PCDH7: variants seen among roughly 807,000 people sequenced by gnomAD.
The protein encoded by PCDH7 is protocadherin-7.
PCDH7 carries 17 observed loss-of-function variants against 58.9 expected under a neutral mutation model. The ratio of observed to expected loss-of-function variants is 0.29; its 90% CI spans 0.20 to 0.43. The LOEUF is 0.43. Among genes scored for constraint, PCDH7 ranks in the 20% least tolerant of loss-of-function variants. PCDH7 has a pLI of 1.00. For missense variants in PCDH7, 1,274 were observed against 1,441.0 expected (o/e 0.88, Z 1.88); for synonymous variants, 664 against 616.4 (o/e 1.08, Z -1.14).
At chr4:30,968,498 C>T (rs948297722) in intron 3 of PCDH7, among the ~76,000 whole-genome samples, 1 of 148,518 alleles carries the variant, frequency 6.7e-6, no homozygotes, top group Non-Finnish European at 1.5e-5. Context: ...GAGCAGAGCA[C>T]ATGATCAGAA....
chr4:30,922,732 C>A (rs1399885160), intron 2 of PCDH7, among the ~76,000 whole-genome samples: 3 of 152,098 alleles, frequency 2.0e-5, no homozygotes, highest in African/African-American at 4.8e-5. Context: ...ATGTGACCAA[C>A]ACTTGAAAGT....
chr4:31,073,956 C>T (rs181591000), intron 3 of PCDH7, among the ~76,000 whole-genome samples: 11 of 151,884 alleles, frequency 7.2e-5, no homozygotes, highest in Admixed American at 2.0e-4. Flanking sequence ...TTGTATATTC[C>T]GGCCAAACTG....
rs531621775 is a variant in PCDH7, at chr4:30,819,951, AG to A, written c.70+95358del. 3.2e-3 allele frequency among the ~76,000 whole-genome samples: 490 copies of A among 152,262 alleles called. 3 individuals carry two copies. Among genetic ancestry groups the A allele is most frequent in the African/African-American group, 0.011 (464 of 41,558 alleles). The stretch of plus-strand genomic sequence containing the variant: ...GATAGGAAACATGTCCTGCCTTGTA[AG>A]GGTGCTCTAAATATGTTAATAGAGT... On this transcript the variant is annotated intron_variant, in intron 1 of 3. Coordinates refer to the PCDH7 transcript ENST00000509759.
intron 3 of PCDH7, among the ~76,000 whole-genome samples, chr4:30,973,374 T>C (rs1478189452): frequency 6.6e-6 from 1 of 152,138 alleles, no homozygotes; most frequent in African/African-American, 2.4e-5. Flanking sequence ...ACATAGATGT[T>C]TTAGAATCAA....
At chr4:30,905,443 T>C (rs1740793303) in intron 1 of PCDH7, among the ~76,000 whole-genome samples, 1 of 147,306 alleles carries the variant, frequency 6.8e-6, no homozygotes, top group African/African-American at 2.6e-5. Flanking sequence ...GAGCTTTTGA[T>C]GATTATCACA....
intron 3 of PCDH7, among the ~76,000 whole-genome samples, chr4:31,118,619 G>T (rs1269486260): frequency 1.3e-5 from 2 of 152,128 alleles, no homozygotes; most frequent in Non-Finnish European, 1.5e-5. Flanking sequence ...TTTGGGGATA[G>T]TCTGACCTCA....
chr4:31,022,167 T>C (rs1470970936), intron 3 of PCDH7, among the ~76,000 whole-genome samples: 1 of 152,144 alleles, frequency 6.6e-6, no homozygotes, highest in East Asian at 1.9e-4. Flanking sequence ...GTAGACTCTG[T>C]TTGCAACAGA....
chr4:30,761,271 G>T (rs1719984023), intron 1 of PCDH7, among the ~76,000 whole-genome samples: 1 of 152,146 alleles, frequency 6.6e-6, no homozygotes, highest in African/African-American at 2.4e-5. Flanking sequence ...GCTTATCTCA[G>T]TCATGGGCCA....
chr4:31,050,833 A>C (rs1156588267), intron 3 of PCDH7, among the ~76,000 whole-genome samples: 1 of 152,152 alleles, frequency 6.6e-6, no homozygotes, highest in African/African-American at 2.4e-5. Flanking sequence ...AAATCCTGTG[A>C]ATTCATATAT....
intron 3 of PCDH7, among the ~76,000 whole-genome samples, chr4:30,972,722 A>G (rs1224514200): frequency 6.6e-6 from 1 of 152,178 alleles, no homozygotes; most frequent in African/African-American, 2.4e-5. Flanking sequence ...CCACACCCTA[A>G]GCTTCATATC....
chr4:30,728,374 T>G (rs1264616522), intron 1 of PCDH7, among the ~76,000 whole-genome samples: 1 of 151,164 alleles, frequency 6.6e-6, no homozygotes, highest in Non-Finnish European at 1.5e-5. Flanking sequence ...ATGCCAACCA[T>G]AGCTTCCAGT....
intron 3 of PCDH7, among the ~76,000 whole-genome samples, chr4:31,059,489 G>A (rs1321497222): frequency 6.6e-6 from 1 of 151,776 alleles, no homozygotes; most frequent in Non-Finnish European, 1.5e-5. Context: ...ATAATCTCCA[G>A]AGTATATGTA....
At chr4:30,797,712 G>A (rs1013084026) in intron 1 of PCDH7, among the ~76,000 whole-genome samples, 1 of 151,964 alleles carries the variant, frequency 6.6e-6, no homozygotes, top group Admixed American at 6.6e-5. Context: ...CCAGTTCTTC[G>A]CAAAGTGCCT....
intron 3 of PCDH7, among the ~76,000 whole-genome samples, chr4:30,962,453 A>G (rs935592104): frequency 6.6e-6 from 1 of 152,238 alleles, no homozygotes; most frequent in East Asian, 1.9e-4. Flanking sequence ...GTAAGTATGT[A>G]TGTATGTTTC....
Position 30,769,295 on chromosome 4 carries a change from C to T in PCDH7, c.70+44699C>T, listed in dbSNP as rs149365322. On this transcript the variant is annotated intron_variant, in intron 1 of 3. Transcript: ENST00000509759. ...TGCTGACTTGGCTGCACCGCAGCCC[C>T]CTTAGGCCCTGCTGCCAGATCAGGT... Among the ~76,000 whole-genome samples, 713 of 152,312 alleles carry T rather than the reference C, an allele frequency of 4.7e-3. 4 individuals are homozygous for T. The highest frequency in any genetic ancestry group is 7.8e-3 in the Non-Finnish European group (530 of 68,024).
intron 3 of PCDH7, among the ~76,000 whole-genome samples, chr4:30,980,565 A>G (rs779903092): frequency 6.6e-6 from 1 of 152,212 alleles, no homozygotes; most frequent in Non-Finnish European, 1.5e-5. Context: ...TATTTTCTCC[A>G]ATTGATCCTC....
intron 3 of PCDH7, among the ~76,000 whole-genome samples, chr4:31,072,572 A>G (rs1758640859): frequency 6.6e-6 from 1 of 152,146 alleles, no homozygotes; most frequent in Non-Finnish European, 1.5e-5. Flanking sequence ...AAGATGTGTA[A>G]GATCATGTAG....
At chr4:30,955,331 A>T (rs1320912030) in intron 3 of PCDH7, among the ~76,000 whole-genome samples, 2 of 152,032 alleles carry the variant, frequency 1.3e-5, no homozygotes, top group East Asian at 3.9e-4. Context: ...AACATGGGGA[A>T]AAAACTGACT....
At chr4:30,872,344 A>T (rs1324159324) in intron 1 of PCDH7, among the ~76,000 whole-genome samples, 1 of 152,106 alleles carries the variant, frequency 6.6e-6, no homozygotes, top group Admixed American at 6.6e-5. Context: ...TATCTGTCAC[A>T]GTTTCTCAAC....
Sources: allele counts gnomAD v4.1 joint callset (sites outside exome capture counted in the v4.1 genomes callset), GRCh38; gene constraint gnomAD v4.1.1; transcripts MANE v1.5; gene names NCBI Gene and HGNC (gene_info 2026-07-23, HGNC 2026-07-21).